TASP1: variants seen among roughly 807,000 people sequenced by gnomAD.
The protein encoded by TASP1 is taspase 1.
In TASP1, 16 loss-of-function variants were observed where a neutral mutation model predicts 56.6. That is an observed-to-expected ratio of 0.28 (90% confidence interval 0.19 to 0.43). TASP1 has a LOEUF of 0.43. TASP1 is among the 20% of genes least tolerant of loss of function. The probability of loss-of-function intolerance (pLI) is 1.00; values close to 1 mark genes in which losing one functional copy is unlikely to be tolerated. For missense variants in TASP1, 393 were observed against 511.6 expected (o/e 0.77, Z 2.24); for synonymous variants, 179 against 184.2 (o/e 0.97, Z 0.23).
intron 10 of TASP1, among the ~76,000 whole-genome samples, chr20:13,493,858 T>A (rs933993990): frequency 2.6e-5 from 4 of 152,178 alleles, no homozygotes; most frequent in Non-Finnish European, 5.9e-5. Context: ...GAACCTTGCT[T>A]TCTGTTCTAA....
chr20:13,503,848 A>C (rs2044036124), intron 10 of TASP1, among the ~76,000 whole-genome samples: 1 of 152,114 alleles, frequency 6.6e-6, no homozygotes, highest in African/African-American at 2.4e-5. Context: ...TTAACAGCAG[A>C]CTTGATAAAG....
the TASP1 span, among the ~76,000 whole-genome samples, chr20:13,256,432 A>G: frequency 6.7e-6 from 1 of 149,068 alleles, no homozygotes; most frequent in Non-Finnish European, 1.5e-5. Flanking sequence ...CCTCTAGATT[A>G]TGCTTTGTAA....
chr20:13,284,422 A>G, the TASP1 span, among the ~76,000 whole-genome samples: 1 of 152,250 alleles, frequency 6.6e-6, no homozygotes. Flanking sequence ...TCAAAGCACC[A>G]TATAGATGCT....
chr20:13,381,507 T>C, the TASP1 span, among the ~76,000 whole-genome samples: 1 of 152,250 alleles, frequency 6.6e-6, no homozygotes, highest in Non-Finnish European at 1.5e-5. Context: ...AGACTGGAGC[T>C]GTTCCTATTT....
downstream of TASP1, among the ~76,000 whole-genome samples, chr20:13,386,307 G>C (rs1002970599): frequency 6.6e-6 from 1 of 152,170 alleles, no homozygotes; most frequent in African/African-American, 2.4e-5. Context: ...CATTTTTTGT[G>C]TTAAAAACAC....
chr20:13,519,181 C>T (rs1392842995), intron 10 of TASP1, among the ~76,000 whole-genome samples: 3 of 151,880 alleles, frequency 2.0e-5, no homozygotes, highest in South Asian at 2.1e-4. Flanking sequence ...TACTAGAGTG[C>T]GGAGGAAAGA....
intron 4 of TASP1, among the ~76,000 whole-genome samples, chr20:13,590,694 C>G (rs980709129): frequency 7.9e-5 from 12 of 151,742 alleles, no homozygotes; most frequent in Non-Finnish European, 1.3e-4. Flanking sequence ...GGTGAAACCC[C>G]ATCTCTACTA....
chr20:13,484,522 G>A (rs1055497335), intron 10 of TASP1, among the ~76,000 whole-genome samples: 1 of 152,056 alleles, frequency 6.6e-6, no homozygotes, highest in African/African-American at 2.4e-5. Context: ...ACCCACCTGA[G>A]GTCAGGAGCT....
At chr20:13,522,437 A>C (rs1447234632) in intron 10 of TASP1, among the ~76,000 whole-genome samples, 1 of 152,080 alleles carries the variant, frequency 6.6e-6, no homozygotes, top group East Asian at 1.9e-4. Context: ...ATATATTCAG[A>C]GAGGAGAGTA....
the TASP1 span, among the ~76,000 whole-genome samples, chr20:13,278,804 C>T: frequency 3.7e-4 from 57 of 152,298 alleles, no homozygotes; most frequent in South Asian, 4.1e-4. Context: ...GGAAGATCCA[C>T]GATGGCCCTA....
intron 13 of TASP1, among the ~76,000 whole-genome samples, chr20:13,407,540 T>C (rs1317949280): frequency 6.6e-6 from 1 of 152,218 alleles, no homozygotes; most frequent in Non-Finnish European, 1.5e-5. Context: ...TATAAGTATC[T>C]ATGCACAAGT....
chr20:13,613,855 T>G (rs1354135779), intron 4 of TASP1, among the ~76,000 whole-genome samples: 1 of 152,136 alleles, frequency 6.6e-6, no homozygotes, highest in Admixed American at 6.5e-5. Flanking sequence ...TTTCATTCAT[T>G]AATACAGAAC....
intron 4 of TASP1, among the ~76,000 whole-genome samples, chr20:13,602,028 C>G (rs1222828737): frequency 6.6e-6 from 1 of 151,906 alleles, no homozygotes; most frequent in Non-Finnish European, 1.5e-5. Context: ...AGGTACCCGC[C>G]ACCATGCCCA....
intron 7 of TASP1, among the ~76,000 whole-genome samples, chr20:13,559,685 A>G (rs2046278077): frequency 6.6e-6 from 1 of 152,202 alleles, no homozygotes; most frequent in Non-Finnish European, 1.5e-5. Flanking sequence ...ATAGACCTCG[A>G]GTAGAATTCT....
At chr20:13,486,750 C>T (rs1366220379) in intron 10 of TASP1, among the ~76,000 whole-genome samples, 2 of 152,178 alleles carry the variant, frequency 1.3e-5, no homozygotes, top group East Asian at 1.9e-4. Flanking sequence ...TATCTCTTGA[C>T]AAAATCATAC....
chr20:13,624,612 T>G (rs1251031641), intron 3 of TASP1, among the ~76,000 whole-genome samples: 1 of 152,126 alleles, frequency 6.6e-6, no homozygotes, highest in Non-Finnish European at 1.5e-5. Flanking sequence ...ACAAGACTAG[T>G]AAGAATCAAA....
the TASP1 span, among the ~76,000 whole-genome samples, chr20:13,303,649 C>G: frequency 1.3e-5 from 2 of 152,236 alleles, no homozygotes; most frequent in African/African-American, 4.8e-5. Context: ...CCAATCCTGA[C>G]TCTCTCACTT....
intron 10 of TASP1, among the ~76,000 whole-genome samples, chr20:13,492,141 A>C (rs6042168): frequency 6.6e-6 from 1 of 152,188 alleles, no homozygotes; most frequent in South Asian, 2.1e-4. Flanking sequence ...AAAAGCTCAC[A>C]TTCAGTACCC....
At chr20:13,237,003 T>C in the TASP1 span, among the ~76,000 whole-genome samples, 1 of 152,162 alleles carries the variant, frequency 6.6e-6, no homozygotes. Context: ...ACAGTGGCCC[T>C]CTTCTCACAG....
Sources: gnomAD v4.1 joint callset for allele counts (sites outside exome capture counted in the v4.1 genomes callset) on GRCh38, gnomAD v4.1.1 for gene constraint, MANE v1.5 for transcripts, NCBI Gene and HGNC (gene_info 2026-07-23, HGNC 2026-07-21) for gene names.